Variants in RPTOR observed in about 807,000 individuals in gnomAD.
The protein encoded by RPTOR is regulatory-associated protein of mTOR.
In RPTOR, 21 loss-of-function variants were observed where a neutral mutation model predicts 169.9. The observed-to-expected ratio is 0.12, with a 90% CI of 0.09 to 0.18. The LOEUF (loss-of-function observed/expected upper bound fraction) is 0.18. Ranked by LOEUF, RPTOR falls within the 10% of genes least tolerant of loss-of-function variation. RPTOR has a pLI of 1.00. For synonymous variants in RPTOR, 732 were observed against 753.2 expected, an observed-to-expected ratio of 0.97 and a Z score of 0.46; for missense variants, 1,133 against 1,855.9, an observed-to-expected ratio of 0.61 and a Z score of 7.16.
Position 80,844,567 on chromosome 17 carries a change from G to A in RPTOR, c.1213-1906G>A, listed in dbSNP as rs2672900. 0.11 allele frequency among the ~76,000 whole-genome samples: 16,404 copies of A among 152,184 alleles called. 922 individuals carry two copies. Among genetic ancestry groups the A allele is most frequent in the South Asian group, 0.14 (662 of 4,828 alleles). On this transcript the variant is annotated intron_variant, in intron 10 of 33. Coordinates refer to ENST00000306801, the MANE Select transcript of RPTOR (RefSeq NM_020761.3). This position sits in a 1 kb window ranked among gnomAD's most constrained non-coding sequence, Gnocchi z 4.7. ...CACTTGAAAACAGGAAAATCACTCT[G>A]GGGGCTCCAAGCCAGCTCCACAGGT... is the stretch of plus-strand genomic sequence containing the variant.
At position 80,573,576 on chromosome 17, in the gene RPTOR, A is replaced by G. The variant is rs574890954; in HGVS notation, c.162+27785A>G. Among the ~76,000 whole-genome samples, 11 of 152,348 alleles carry G rather than the reference A, an allele frequency of 7.2e-5. No individual in the cohort carries two copies. The South Asian group carries it at 2.3e-3, about 32-fold the overall frequency. ...GTTTTTAGCCTGTTATTTGGTAGGT[A>G]TATAAGAGTAAAAATTATTTTTTAT... On this transcript the variant is annotated intron_variant, in intron 1 of 33. Coordinates refer to ENST00000306801, the MANE Select transcript of RPTOR (RefSeq NM_020761.3).
chr17:80,896,743 T>C (rs866169916), intron 20 of RPTOR, among the ~76,000 whole-genome samples: 3 of 152,198 alleles, frequency 2.0e-5, no homozygotes, highest in Non-Finnish European at 4.4e-5. Context: ...GGGGTGTTGT[T>C]TGAATGGCGC....
intron 1 of RPTOR, among the ~76,000 whole-genome samples, chr17:80,554,789 A>G (rs1056955080): frequency 6.6e-6 from 1 of 152,030 alleles, no homozygotes; most frequent in African/African-American, 2.4e-5. Flanking sequence ...AACAACAAAA[A>G]AAATGAGAAT....
intron 9 of RPTOR, among the ~76,000 whole-genome samples, chr17:80,833,872 C>A (rs1365637203): frequency 6.6e-6 from 1 of 152,180 alleles, no homozygotes; most frequent in Non-Finnish European, 1.5e-5. Flanking sequence ...TCCTGTAATC[C>A]CAGCTACTCA....
intron 5 of RPTOR, among the ~76,000 whole-genome samples, chr17:80,741,838 G>A (rs1018192677): frequency 2.6e-5 from 4 of 152,152 alleles, no homozygotes; most frequent in African/African-American, 4.8e-5. Context: ...TGCGTTCGGT[G>A]GTGTGTGTAG....
At chr17:80,899,822 A>G (rs931166366) in intron 20 of RPTOR, among the ~76,000 whole-genome samples, 4 of 152,208 alleles carry the variant, frequency 2.6e-5, no homozygotes, top group Admixed American at 6.5e-5. Flanking sequence ...CTTAAAAAGT[A>G]TAAGAACCAT....
At chr17:80,601,553 G>GGCTTTTTT (rs1567814617) in intron 1 of RPTOR, among the ~76,000 whole-genome samples, 1 of 8,656 alleles carries the variant, frequency 1.2e-4, no homozygotes, top group African/African-American at 2.6e-4. Flanking sequence ...AGATGGTTCA[G>GGCTTTTTT]TCTTTTTTTT....
At chr17:80,882,487 C>T (rs546690252) in intron 14 of RPTOR, among the ~76,000 whole-genome samples, 10 of 152,332 alleles carry the variant, frequency 6.6e-5, no homozygotes, top group East Asian at 3.9e-4. Flanking sequence ...GGCTCTCGGC[C>T]GGGGACAGGG....
intron 13 of RPTOR, among the ~76,000 whole-genome samples, chr17:80,867,109 T>G (rs2068001555): frequency 6.6e-6 from 1 of 152,156 alleles, no homozygotes; most frequent in Non-Finnish European, 1.5e-5. Context: ...ACAAAAATGC[T>G]AAATAGAATT....
chr17:80,964,199 C>T (rs2144109764), intron 33 of RPTOR, 63 bp from the exon 34 acceptor site: 1 of 1,182,178 alleles, frequency 8.5e-7, no homozygotes, highest in Non-Finnish European at 1.2e-6. Context: ...GCCTGCGCCC[C>T]CCCGCCCCCC....
rs140332200 is a variant in RPTOR at position 80,944,373 on chromosome 17, A to G, written c.3026-1294A>G. 3.0e-3 allele frequency among the ~76,000 whole-genome samples: 453 copies of G among 152,340 alleles called. 3 individuals carry two copies. The highest frequency in any genetic ancestry group is 0.01 in the African/African-American group (431 of 41,576). ...ATTCTGAAACTTTAGCACTTTCTTC[A>G]TATAATCTGACCCAGATAAATTTGT... is the stretch of plus-strand genomic sequence containing the variant. On this transcript the variant is annotated intron_variant, in intron 25 of 33. Coordinates refer to ENST00000306801, the MANE Select transcript of RPTOR (RefSeq NM_020761.3).
chr17:80,614,603 TAGAG>T (rs971881541), intron 1 of RPTOR, among the ~76,000 whole-genome samples: 1 of 152,146 alleles, frequency 6.6e-6, no homozygotes, highest in African/African-American at 2.4e-5. Context: ...TCAGACCAGA[TAGAG>T]AATGTTAAAG....
chr17:80,677,055 G>A (rs931600865), intron 3 of RPTOR, among the ~76,000 whole-genome samples: 16 of 152,198 alleles, frequency 1.1e-4, no homozygotes, highest in Non-Finnish European at 1.6e-4. Context: ...CTGGGAGGGC[G>A]GGAAGGCTGC....
At chr17:80,603,827 G>T (rs1307133222) in intron 1 of RPTOR, among the ~76,000 whole-genome samples, 2 of 152,194 alleles carry the variant, frequency 1.3e-5, no homozygotes, top group African/African-American at 4.8e-5. Context: ...TTTTACTGGA[G>T]GCTGGTGACA....
At chr17:80,582,313 A>G (rs2065021146) in intron 1 of RPTOR, among the ~76,000 whole-genome samples, 1 of 152,144 alleles carries the variant, frequency 6.6e-6, no homozygotes, top group South Asian at 2.1e-4. Flanking sequence ...AGGTGGGGTA[A>G]GAATGCGTGT....
chr17:80,830,381 T>G (rs1383436838), intron 9 of RPTOR, among the ~76,000 whole-genome samples: 1 of 151,478 alleles, frequency 6.6e-6, no homozygotes, highest in East Asian at 1.9e-4. Flanking sequence ...AAAATGGGGG[T>G]TTCTCAGTCT....
chr17:80,774,413 C>A, intron 6 of RPTOR: 1 of 932,572 alleles, frequency 1.1e-6, no homozygotes, highest in Non-Finnish European at 1.3e-6. Context: ...TACTAATAAC[C>A]CAGGACTTGT....
At chr17:80,630,077 C>T (rs909215300) in intron 2 of RPTOR, among the ~76,000 whole-genome samples, 20 of 148,568 alleles carry the variant, frequency 1.3e-4, no homozygotes, top group Admixed American at 1.2e-3. Flanking sequence ...TGCATATTGC[C>T]TGCCTTTCCT....
At chr17:80,821,841 C>A (rs1292239291) in intron 7 of RPTOR, among the ~76,000 whole-genome samples, 1 of 152,198 alleles carries the variant, frequency 6.6e-6, no homozygotes, top group Non-Finnish European at 1.5e-5. Flanking sequence ...TATAACCCTG[C>A]AGAGCATGAT....
Sources: gnomAD v4.1 joint callset for allele counts (sites outside exome capture counted in the v4.1 genomes callset) on GRCh38, gnomAD v4.1.1 for gene constraint, Gnocchi (gnomAD v3.1) non-coding constraint, MANE v1.5 for transcripts, NCBI Gene and HGNC (gene_info 2026-07-23, HGNC 2026-07-21) for gene names.